SMTNL1: variants seen among roughly 807,000 people sequenced by gnomAD.
SMTNL1 encodes the protein smoothelin-like protein 1.
In SMTNL1, 41 loss-of-function variants were observed where a neutral mutation model predicts 46.6. That is an observed-to-expected ratio of 0.88 (90% CI 0.69 to 1.14). SMTNL1 has a LOEUF of 1.14. SMTNL1 is among the 50% of genes most tolerant of loss of function. SMTNL1 has a pLI of 0.00. For synonymous variants in SMTNL1, 234 were observed against 234.2 expected (o/e 1.00, Z 0.01); for missense variants, 591 against 626.1 (o/e 0.94, Z 0.60).
rs532199537 is a variant in SMTNL1 at position 57,542,815 on chromosome 11, C to CCGAGGA, written c.176_181dup (p.Glu59_Asp60dup). The CCGAGGA allele has an allele frequency of 5.2e-5, 84 of 1,613,722 alleles. 1 individual carries two copies. In the East Asian group the frequency reaches 1.7e-3, roughly 33 times the overall value. Reference sequence around the variant, plus strand: ...TCAGGAAAGCAGGAAAAGGCACCAGCCGAGGACGGCATGTCAGCAGAACTC... The same window carrying CCGAGGA: ...TCAGGAAAGCAGGAAAAGGCACCAGCCGAGGACGAGGACGGCATGTCAGCAGAACTC... On this transcript the variant is annotated inframe_insertion, in exon 2 of 8. Transcript: ENST00000527972.
intron 1 of SMTNL1, chr11:57,541,445 C>A (rs1590801264): frequency 1.5e-6 from 2 of 1,327,570 alleles, no homozygotes; most frequent in East Asian, 9.6e-5. Context: ...TTTTGTAGAT[C>A]CTCCAGTATA....
At chr11:57,546,369 G>A (rs576650202) in intron 6 of SMTNL1, 22 bp downstream of exon 6, 39 of 1,586,942 alleles carry the variant, frequency 2.5e-5, no homozygotes, top group Non-Finnish European at 3.0e-5. Context: ...GCAGAGCTGC[G>A]TGGGTGGGGC....
Position 57,543,224 on chromosome 11 carries a change from T to G in SMTNL1, c.582T>G (p.Thr194=). The G allele has an allele frequency of 1.2e-6, 2 of 1,613,496 alleles. No individual in the cohort carries two copies. The highest frequency in any genetic ancestry group is 1.7e-6 in the Non-Finnish European group (2 of 1,179,768). Residue 194 remains threonine, a synonymous_variant, in exon 2 of 8, where the codon ACT becomes ACG. Coordinates refer to ENST00000527972, the MANE Select transcript of SMTNL1 (RefSeq NM_001105565.3). ...GCACTGAACCCAAGGAGAAGGCTACTGATGAAGAGGCCAAGGCTGAATCGC... is the reference window on the plus strand; with the variant it reads ...GCACTGAACCCAAGGAGAAGGCTACGGATGAAGAGGCCAAGGCTGAATCGC... ...ECSTEPKEKA[T]DEEAKAESQK...
intron 1 of SMTNL1, among the ~76,000 whole-genome samples, chr11:57,540,699 CT>C (rs773996985): frequency 5.3e-5 from 8 of 151,906 alleles, no homozygotes; most frequent in Non-Finnish European, 1.0e-4. Flanking sequence ...GTCCATCCCC[CT>C]GGCTCATCTT....
rs756777979 is a variant in SMTNL1 at position 57,546,379 on chromosome 11, CA to C, written c.1188+33del. ...ATGGGGCAGAGCTGCGTGGGTGGGGCAGGGGTCCAGGGAGGGTCCAAGTGGT... is the reference window on the plus strand; with the variant it reads ...ATGGGGCAGAGCTGCGTGGGTGGGGCGGGGTCCAGGGAGGGTCCAAGTGGT... On this transcript the variant is annotated intron_variant, in intron 6 of 7. Transcript: ENST00000527972. 12 of 1,192,836 alleles carry C rather than the reference CA, an allele frequency of 1.0e-5. No individual in the cohort carries two copies. The South Asian group carries it at 1.5e-4, about 15-fold the overall frequency. 73.9% of individuals were successfully genotyped at this position (1,192,836 alleles called of 1,614,324 possible).
intron 7 of SMTNL1, among the ~76,000 whole-genome samples, chr11:57,549,029 CTTT>C (rs373390115): frequency 2.9e-5 from 4 of 139,124 alleles, no homozygotes; most frequent in African/African-American, 2.6e-5. Context: ...TTTTTTTTTT[CTTT>C]TTTTTTTTTT....
At chr11:57,543,452 T>C (rs771753034) in intron 2 of SMTNL1, 78 bp downstream of exon 2, 14 of 1,551,612 alleles carry the variant, frequency 9.0e-6, no homozygotes, top group African/African-American at 2.7e-5. Flanking sequence ...CTTCAGTCAG[T>C]TGGGAAAGTC....
chr11:57,543,568 G>T, intron 2 of SMTNL1, 56 bp from the exon 3 acceptor site: 1 of 1,577,452 alleles, frequency 6.3e-7, no homozygotes. Context: ...AAGTCCTCAT[G>T]AAGCCAGGGC....
In SMTNL1 at chr11:57,542,789, G is replaced by A; in HGVS notation, c.147G>A (p.Glu49=). The A allele has an allele frequency of 6.2e-7, 1 of 1,613,954 alleles. No individual in the cohort carries two copies. Among genetic ancestry groups the A allele is most frequent in the East Asian group, 2.2e-5 (1 of 44,880 alleles). Residue 49 remains glutamate, a synonymous_variant, in exon 2 of 8, where the codon GAG becomes GAA. Coordinates refer to ENST00000527972, the MANE Select transcript of SMTNL1 (RefSeq NM_001105565.3). ...GKAINEGPPT[E]SGKQEKAPAE... is the part of the protein sequence containing the mutation. ...CCATCAATGAGGGGCCTCCCACTGAGTCAGGAAAGCAGGAAAAGGCACCAG... is the reference window on the plus strand; with the variant it reads ...CCATCAATGAGGGGCCTCCCACTGAATCAGGAAAGCAGGAAAAGGCACCAG...
chr11:57,546,619 G>A lies in SMTNL1; in HGVS notation c.1307G>A (p.Arg436Gln), dbSNP rs377127608. The change falls in exon 7 of 8, where the codon CGG (arginine) becomes CAG (glutamine). Residue 436 changes from arginine (R) to glutamine (Q), a missense_variant. Arg to Gln is a conservative substitution (Grantham distance 43). Coordinates refer to ENST00000527972, the MANE Select transcript of SMTNL1 (RefSeq NM_001105565.3). ...DYAELDPAKR[R>Q]HNFTLAFSTA... ...GCAGAGCTGGATCCCGCAAAGCGCCGGCACAACTTCACCCTGGCCTTCTCC... is the reference window on the plus strand; with the variant it reads ...GCAGAGCTGGATCCCGCAAAGCGCCAGCACAACTTCACCCTGGCCTTCTCC... 7.7e-5 allele frequency: 124 copies of A among 1,613,730 alleles called. No individual in the cohort carries two copies. Among genetic ancestry groups the A allele is most frequent in the African/African-American group, 2.4e-4 (18 of 74,908 alleles).
In SMTNL1 at chr11:57,543,659, C is replaced by T. The variant is rs535603573; in HGVS notation, c.768C>T (p.Asp256=). ...GTCCCAGCGAAGAGCAGGAGCAGGA[C>T]GTGGAAAAAGAGCCAGAGGGAGGGG... is the stretch of plus-strand genomic sequence containing the variant. ...PGSPSEEQEQ[D]VEKEPEGGAG... The change falls in exon 3 of 8, where the codon GAC becomes GAT. Residue 256 remains aspartate (D), a synonymous_variant. Coordinates refer to ENST00000527972, the MANE Select transcript of SMTNL1 (RefSeq NM_001105565.3). 5.4e-5 allele frequency: 86 copies of T among 1,606,214 alleles called. 2 individuals are homozygous for T. The highest frequency in any genetic ancestry group is 4.7e-4 in the South Asian group (42 of 89,038).
In SMTNL1 at chr11:57,542,934, G is replaced by C; in HGVS notation, c.292G>C (p.Asp98His). The C allele has an allele frequency of 6.2e-7, 1 of 1,605,016 alleles. No individual in the cohort carries two copies. The highest frequency in any genetic ancestry group is 8.5e-7 in the Non-Finnish European group (1 of 1,175,628). The change falls in exon 2 of 8, where the codon GAT becomes CAT. Residue 98 changes from aspartate (D) to histidine (H), a missense_variant. Transcript: ENST00000527972. ...TGCTGAGGCTGAACTTAAAAAGGAG[G>C]ATGGTGAGAAGGAAGAGACCACTGT... ...EDAEAELKKE[D>H]GEKEETTVGS...
chr11:57,549,038 T>C (rs1216699769), intron 7 of SMTNL1, among the ~76,000 whole-genome samples: 2 of 151,456 alleles, frequency 1.3e-5, no homozygotes, highest in Admixed American at 6.6e-5. Context: ...TCTTTTTTTT[T>C]TTTTTGAGAC....
In SMTNL1 at chr11:57,548,274, T is replaced by A. The variant is rs1284123030; in HGVS notation, c.1340+1622T>A. Among the ~76,000 whole-genome samples, 3 of 152,134 alleles carry A rather than the reference T, an allele frequency of 2.0e-5. No homozygotes were observed. The East Asian group carries it at 5.8e-4, about 29-fold the overall frequency. ...GCAGCTCCTGAAACACACCAAGCATTCCTGCCTCGGGGCCCTTGCACCTGC... is the reference window on the plus strand; with the variant it reads ...GCAGCTCCTGAAACACACCAAGCATACCTGCCTCGGGGCCCTTGCACCTGC... On this transcript the variant is annotated intron_variant, in intron 7 of 7. Transcript: ENST00000527972.
Position 57,543,343 on chromosome 11 carries a change from C to T in SMTNL1, c.701C>T (p.Ala234Val), listed in dbSNP as rs776872383. 8.1e-6 allele frequency: 13 copies of T among 1,613,842 alleles called. No homozygotes were observed. Among genetic ancestry groups the T allele is most frequent in the Admixed American group, 1.7e-5 (1 of 60,010 alleles). The part of the protein sequence containing the change: ...AKHGAKEEAD[A>V]KEEAEDAEEA... ...CATGGTGCAAAAGAGGAGGCTGATG[C>T]AAAAGAGGAGGCGGAGGATGCAGAG... Residue 234 changes from alanine (A) to valine (V), a missense_variant, in exon 2 of 8, where the codon GCA becomes GTA. Coordinates refer to ENST00000527972, the MANE Select transcript of SMTNL1 (RefSeq NM_001105565.3).
chr11:57,539,659 A>G (rs1944857868), intron 1 of SMTNL1, among the ~76,000 whole-genome samples: 1 of 152,158 alleles, frequency 6.6e-6, no homozygotes, highest in Non-Finnish European at 1.5e-5. Context: ...GCTGGAGTGT[A>G]GTGGCTATTC....
rs1408068281 is a variant in SMTNL1 at position 57,550,234 on chromosome 11, G to A, written c.*122G>A. 1.0e-5 allele frequency: 11 copies of A among 1,095,092 alleles called. No homozygotes were observed. The highest frequency in any genetic ancestry group is 5.8e-5 in the Admixed American group (2 of 34,338). 67.8% of individuals were successfully genotyped at this position (1,095,092 alleles called of 1,614,324 possible). A position where few individuals can be genotyped will look rare whatever the true frequency, so the allele number is the denominator to read the frequency against. Reference sequence around the variant, plus strand: ...AGGGGCTTAGGCAAGGGTGTGTGGCGTTGGTTTTAACTGCATTAAAAGTAC... The same window carrying A: ...AGGGGCTTAGGCAAGGGTGTGTGGCATTGGTTTTAACTGCATTAAAAGTAC... On this transcript the variant is annotated 3_prime_UTR_variant, in exon 8 of 8. Transcript: ENST00000527972.
At chr11:57,546,701 G>A (rs370609744) in intron 7 of SMTNL1, 49 bp downstream of exon 7, 1 of 1,584,816 alleles carries the variant, frequency 6.3e-7, no homozygotes. Flanking sequence ...CCTAGGCGAG[G>A]ACTGGATTCA....
In SMTNL1 at chr11:57,544,441, G is replaced by A. The variant is rs1944906681; in HGVS notation, c.917+521G>A. ...CAGAAAGGAGCACGAAGGATACCTG[G>A]TCCACTTCCCATGCCATGGCTGAAG... is the stretch of plus-strand genomic sequence containing the variant. On this transcript the variant is annotated intron_variant, in intron 4 of 7. Coordinates refer to ENST00000527972, the MANE Select transcript of SMTNL1 (RefSeq NM_001105565.3). Among the ~76,000 whole-genome samples the A allele has an allele frequency of 2.0e-5, 3 of 152,302 alleles. No homozygotes were observed. The South Asian group carries it at 6.2e-4, about 32-fold the overall frequency.
Sources: gnomAD v4.1 joint callset for allele counts (sites outside exome capture counted in the v4.1 genomes callset) on GRCh38, gnomAD v4.1.1 for gene constraint, MANE v1.5 for transcripts, NCBI Gene and HGNC (gene_info 2026-07-23, HGNC 2026-07-21) for gene names.